The following ARL14EPL variants were observed in gnomAD, a reference collection of about 807,000 sequenced individuals.
The protein encoded by ARL14EPL is ARL14 effector protein-like.
In ARL14EPL, 17 loss-of-function variants were observed where a neutral mutation model predicts 15.9. The observed-to-expected ratio is 1.07, with a 90% CI of 0.73 to 1.60. ARL14EPL has a LOEUF of 1.60. ARL14EPL is among the 40% of genes most tolerant of loss of function. ARL14EPL has a pLI of 0.00. For synonymous variants in ARL14EPL, 78 were observed against 63.8 expected (o/e 1.22, Z -1.06); for missense variants, 214 against 185.9 (o/e 1.15, Z -0.88).
At chr5:116,040,771 C>G (rs533606615) in intron 1 of ARL14EPL, among the ~76,000 whole-genome samples, 1 of 149,430 alleles carries the variant, frequency 6.7e-6, no homozygotes, top group Admixed American at 6.7e-5. Context: ...CATATCGAGA[C>G]CATCCTGGCT....
chr5:116,059,451 G>T lies in ARL14EPL; in HGVS notation c.*504G>T, dbSNP rs952417807. 5 of 152,302 alleles carry T rather than the reference G, an allele frequency of 3.3e-5. No individual in the cohort carries two copies. Among genetic ancestry groups the T allele is most frequent in the Non-Finnish European group, 7.3e-5 (5 of 68,276 alleles). 9.4% of individuals were successfully genotyped at this position (152,302 alleles called of 1,614,324 possible). A position where few individuals can be genotyped will look rare whatever the true frequency, so the allele number is the denominator to read the frequency against. ...ATACCCATAGCCTCATTTTTTTATTGTTCATGTTTTAATAACATTAAAATG... is the reference window on the plus strand; with the variant it reads ...ATACCCATAGCCTCATTTTTTTATTTTTCATGTTTTAATAACATTAAAATG... On this transcript the variant is annotated 3_prime_UTR_variant, in exon 4 of 4. Coordinates refer to ENST00000686077, the MANE Select transcript of ARL14EPL (RefSeq NM_001195581.2).
intron 1 of ARL14EPL, among the ~76,000 whole-genome samples, chr5:116,047,313 C>T (rs563957377): frequency 1.8e-4 from 28 of 152,288 alleles, no homozygotes; most frequent in African/African-American, 6.7e-4. Context: ...AAAGTGCATG[C>T]TTTCCTATTC....
chr5:116,053,134 G>A (rs1749429555), intron 2 of ARL14EPL, among the ~76,000 whole-genome samples: 1 of 152,080 alleles, frequency 6.6e-6, no homozygotes, highest in African/African-American at 2.4e-5. Flanking sequence ...GATCCTTGGA[G>A]CCCAGGAATT....
In ARL14EPL at chr5:116,046,876, G is replaced by T. The variant is rs376458137; in HGVS notation, c.-9-4581G>T. The stretch of plus-strand genomic sequence containing the variant: ...TATTTAGAGATAGGGTCTTTGGGAG[G>T]TAATTAAGTTTAAATGAGGTCCTAG... On this transcript the variant is annotated intron_variant, in intron 1 of 3. Transcript: ENST00000686077. Among the ~76,000 whole-genome samples the T allele has an allele frequency of 9.2e-5, 14 of 152,240 alleles. No homozygotes were observed. The East Asian group carries it at 2.1e-3, about 23-fold the overall frequency.
intron 1 of ARL14EPL, among the ~76,000 whole-genome samples, chr5:116,036,102 T>C (rs1561575590): frequency 6.6e-6 from 1 of 152,212 alleles, no homozygotes; most frequent in Non-Finnish European, 1.5e-5. Flanking sequence ...TGAGAGACAA[T>C]GGCTTACTCA....
chr5:116,036,840 T>C (rs1029688450), intron 1 of ARL14EPL, among the ~76,000 whole-genome samples: 1 of 152,184 alleles, frequency 6.6e-6, no homozygotes, highest in Non-Finnish European at 1.5e-5. Context: ...AAATTCCAGT[T>C]TCAGATGTCA....
At chr5:116,035,202 C>G (rs1749027851) in intron 1 of ARL14EPL, among the ~76,000 whole-genome samples, 1 of 152,128 alleles carries the variant, frequency 6.6e-6, no homozygotes. Context: ...TCAAGCTGGT[C>G]ATTTTCATCT....
chr5:116,053,584 G>A (rs1033031970), intron 2 of ARL14EPL, among the ~76,000 whole-genome samples: 1 of 152,068 alleles, frequency 6.6e-6, no homozygotes, highest in Non-Finnish European at 1.5e-5. Flanking sequence ...GGGAGTGCCG[G>A]ATCTACTTTG....
intron 1 of ARL14EPL, among the ~76,000 whole-genome samples, chr5:116,032,867 C>T (rs966582157): frequency 5.9e-5 from 9 of 152,082 alleles, no homozygotes; most frequent in Non-Finnish European, 5.9e-5. Context: ...CTGCCATCTC[C>T]GCTCGCCGCA....
chr5:116,048,679 C>T (rs1050254003), intron 1 of ARL14EPL, among the ~76,000 whole-genome samples: 2 of 151,960 alleles, frequency 1.3e-5, no homozygotes, highest in Admixed American at 6.6e-5. Flanking sequence ...TACGGCAACT[C>T]GAGTGGGATC....
chr5:116,040,972 T>A (rs982541229), intron 1 of ARL14EPL, among the ~76,000 whole-genome samples: 1 of 14,734 alleles, frequency 6.8e-5, no homozygotes, highest in Non-Finnish European at 1.4e-4. Flanking sequence ...AGAACGAGAT[T>A]CCCTCTCAAA....
chr5:116,049,175 T>C lies in ARL14EPL; in HGVS notation c.-9-2282T>C, dbSNP rs114100918. On this transcript the variant is annotated intron_variant, in intron 1 of 3. Transcript: ENST00000686077. ...TAGTTTTACCATCAGATGGAAAGAC[T>C]ACATGGAGAAAATTATACCTACTTT... Among the ~76,000 whole-genome samples the C allele has an allele frequency of 3.2e-3, 481 of 152,326 alleles. 3 individuals are homozygous for C. The highest frequency in any genetic ancestry group is 0.011 in the African/African-American group (475 of 41,580).
At chr5:116,046,552 A>G (rs545767831) in intron 1 of ARL14EPL, among the ~76,000 whole-genome samples, 1 of 152,278 alleles carries the variant, frequency 6.6e-6, no homozygotes, top group South Asian at 2.1e-4. Context: ...GTGGTTCCTG[A>G]GGCCTCCACA....
intron 2 of ARL14EPL, chr5:116,052,029 C>T (rs1281800006): frequency 6.2e-7 from 1 of 1,611,610 alleles, no homozygotes; most frequent in Non-Finnish European, 8.5e-7. Context: ...TCCTGAAGGG[C>T]TGCCCTGGCC....
intron 1 of ARL14EPL, among the ~76,000 whole-genome samples, chr5:116,032,893 G>A (rs1177759391): frequency 6.6e-6 from 1 of 152,112 alleles, no homozygotes; most frequent in Non-Finnish European, 1.5e-5. Context: ...GACTTCCTGG[G>A]CTCAGGTGAT....
At chr5:116,033,440 T>C (rs1352754242) in intron 1 of ARL14EPL, among the ~76,000 whole-genome samples, 2 of 152,214 alleles carry the variant, frequency 1.3e-5, no homozygotes, top group East Asian at 3.8e-4. Flanking sequence ...TAGACTATGC[T>C]AAGCTATGAT....
intron 1 of ARL14EPL, among the ~76,000 whole-genome samples, chr5:116,050,814 C>T (rs1318598395): frequency 2.3e-5 from 3 of 129,112 alleles, no homozygotes; most frequent in South Asian, 2.5e-4. Context: ...CTCTCTCTCT[C>T]TTACACACAC....
intron 1 of ARL14EPL, among the ~76,000 whole-genome samples, chr5:116,046,989 T>C (rs1749279406): frequency 6.6e-6 from 1 of 152,142 alleles, no homozygotes; most frequent in Non-Finnish European, 1.5e-5. Context: ...AAAGGCCCTG[T>C]GAGGACTTAC....
chr5:116,034,408 G>A (rs1320522348), intron 1 of ARL14EPL, among the ~76,000 whole-genome samples: 2 of 152,166 alleles, frequency 1.3e-5, no homozygotes, highest in Non-Finnish European at 2.9e-5. Flanking sequence ...GCACTAGAGG[G>A]TGGCCTCAGT....
Sources: gnomAD v4.1 joint callset for allele counts (sites outside exome capture counted in the v4.1 genomes callset) on GRCh38, gnomAD v4.1.1 for gene constraint, MANE v1.5 for transcripts, NCBI Gene and HGNC (gene_info 2026-07-23, HGNC 2026-07-21) for gene names.